Variants in PRSS48 observed in about 807,000 individuals in gnomAD.
PRSS48 encodes serine protease 48.
PRSS48 carries 21 observed loss-of-function variants against 25.6 expected under a neutral mutation model. The observed-to-expected ratio is 0.82, with a 90% confidence interval of 0.58 to 1.18. PRSS48 has a LOEUF of 1.18. Ranked by LOEUF, PRSS48 falls within the 50% of genes most tolerant of loss-of-function variation. The pLI, the probability that PRSS48 is intolerant of heterozygous loss-of-function variation, is 0.00. For synonymous variants in PRSS48, 150 were observed against 149.3 expected (o/e 1.00, Z -0.04); for missense variants, 373 against 399.3 (o/e 0.93, Z 0.56).
intron 2 of PRSS48, among the ~76,000 whole-genome samples, chr4:151,280,493 A>G (rs1231021882): frequency 6.6e-6 from 1 of 152,234 alleles, no homozygotes; most frequent in Non-Finnish European, 1.5e-5. Context: ...GTCACACCTG[A>G]TTCCTGACCC....
At chr4:151,286,778 G>A (rs543804412) in intron 4 of PRSS48, among the ~76,000 whole-genome samples, 57 of 151,650 alleles carry the variant, frequency 3.8e-4, no homozygotes, top group African/African-American at 9.7e-4. Context: ...CCAGGAGTTC[G>A]AGACGAGCCT....
intron 4 of PRSS48, among the ~76,000 whole-genome samples, chr4:151,290,613 T>C (rs1775226598): frequency 6.6e-6 from 1 of 152,180 alleles, no homozygotes; most frequent in Non-Finnish European, 1.5e-5. Context: ...AAATGGGTTG[T>C]GGTGATGGTT....
chr4:151,281,186 C>A (rs1180339886), intron 2 of PRSS48, among the ~76,000 whole-genome samples: 6 of 152,264 alleles, frequency 3.9e-5, no homozygotes, highest in African/African-American at 1.4e-4. Context: ...TGATAGAATG[C>A]CTGACAAGTT....
chr4:151,282,247 T>C, exon 3 of PRSS48: 1 of 1,613,944 alleles, frequency 6.2e-7, no homozygotes, highest in Middle Eastern at 1.6e-4. Flanking sequence ...TCGTCATCCA[T>C]CCCAAGTACC....
chr4:151,283,404 C>A, intron 4 of PRSS48, 118 bp downstream of exon 4: 1 of 805,266 alleles, frequency 1.2e-6, no homozygotes, highest in Non-Finnish European at 2.0e-6. Context: ...CTAAGAATAA[C>A]TCTTATGTTA....
exon 5 of PRSS48, chr4:151,291,176 T>C (rs1775301316): frequency 1.2e-6 from 2 of 1,613,620 alleles, no homozygotes; most frequent in Non-Finnish European, 8.5e-7. Context: ...CAGACAGGAG[T>C]AGTAAGCTGG....
chr4:151,279,753 G>T, intron 1 of PRSS48, 43 bp from the exon 2 acceptor site: 1 of 1,587,630 alleles, frequency 6.3e-7, no homozygotes, highest in East Asian at 2.2e-5. Context: ...CAGAGAAACA[G>T]GACTCCTAGG....
chr4:151,282,368 C>T (rs1431089105), exon 3 of PRSS48: 6 of 1,613,758 alleles, frequency 3.7e-6, no homozygotes, highest in South Asian at 1.1e-5. Context: ...GGCAATTCCA[C>T]CCTTTTGTTG....
chr4:151,291,110 T>G lies in PRSS48; in HGVS notation c.652-8T>G, dbSNP rs202015496. ...CACTATGCTCATTACCTTTCATTTC[T>G]TCCTTAGGGTGATTCTGGAGGGCCT... is the stretch of plus-strand genomic sequence containing the variant. On this transcript the variant is annotated splice_region_variant and splice_polypyrimidine_tract_variant and intron_variant, in intron 4 of 4. Coordinates refer to ENST00000455694, the Ensembl canonical transcript of PRSS48. 52 of 1,597,356 alleles carry G rather than the reference T, an allele frequency of 3.3e-5. No homozygotes were observed. The highest frequency in any genetic ancestry group is 4.1e-5 in the Non-Finnish European group (48 of 1,170,448).
intron 1 of PRSS48, 50 bp downstream of exon 1, chr4:151,277,274 AAG>A: frequency 7.2e-7 from 1 of 1,395,230 alleles, no homozygotes; most frequent in Non-Finnish European, 9.6e-7. Flanking sequence ...ATTTTTACTA[AAG>A]AGGGCATCAC....
chr4:151,291,175 G>T, exon 5 of PRSS48: 4 of 1,613,924 alleles, frequency 2.5e-6, no homozygotes, highest in Non-Finnish European at 3.4e-6. Flanking sequence ...CCAGACAGGA[G>T]TAGTAAGCTG....
At chr4:151,277,546 G>A (rs1773759547) in intron 1 of PRSS48, among the ~76,000 whole-genome samples, 1 of 152,140 alleles carries the variant, frequency 6.6e-6, no homozygotes, top group African/African-American at 2.4e-5. Context: ...GGGCAGGAGT[G>A]TTGCAATCTT....
At position 151,283,334 on chromosome 4, in the gene PRSS48, T is replaced by G. The variant is rs769700882; in HGVS notation, c.651+48T>G. On this transcript the variant is annotated intron_variant, in intron 4 of 4. Coordinates refer to ENST00000455694, the Ensembl canonical transcript of PRSS48. ...TTTTTTTTAAACATGAGATCTTAAT[T>G]TGGATCCAGGTTTTCCTATCTGTAA... The G allele has an allele frequency of 7.0e-6, 11 of 1,570,134 alleles. 1 individual carries two copies. Among genetic ancestry groups the G allele is most frequent in the Middle Eastern group, 3.4e-4 (2 of 5,926 alleles).
chr4:151,290,843 G>GA (rs1420428544), intron 4 of PRSS48, among the ~76,000 whole-genome samples: 1 of 152,162 alleles, frequency 6.6e-6, no homozygotes, highest in Non-Finnish European at 1.5e-5. Context: ...TATCTTTAGT[G>GA]AAAAAATCAT....
At chr4:151,282,546 T>C in intron 3 of PRSS48, 133 bp downstream of exon 3, 1 of 865,446 alleles carries the variant, frequency 1.2e-6, no homozygotes, top group South Asian at 2.1e-5. Flanking sequence ...ATATTATCTA[T>C]AAGTTTTTAA....
intron 4 of PRSS48, among the ~76,000 whole-genome samples, chr4:151,287,880 CTTTT>C (rs917358447): frequency 6.6e-6 from 1 of 152,032 alleles, no homozygotes; most frequent in Non-Finnish European, 1.5e-5. Context: ...ACCCCTCTCT[CTTTT>C]TTTATTTTTC....
At chr4:151,291,288 C>T in exon 5 of PRSS48, 1 of 1,613,986 alleles carries the variant, frequency 6.2e-7, no homozygotes, top group Non-Finnish European at 8.5e-7. Context: ...ATCTAGACTT[C>T]TCTGACTTCT....
chr4:151,287,995 C>T (rs1429589375), intron 4 of PRSS48, among the ~76,000 whole-genome samples: 2 of 151,876 alleles, frequency 1.3e-5, no homozygotes. Context: ...GTTAATATAC[C>T]ATGTTCTTAG....
chr4:151,277,276 G>A (rs5023857), intron 1 of PRSS48, 52 bp downstream of exon 1: 3 of 1,391,578 alleles, frequency 2.2e-6, no homozygotes, highest in Non-Finnish European at 2.9e-6. Context: ...TTTTACTAAA[G>A]AGGGCATCAC....
Sources: allele counts gnomAD v4.1 joint callset (sites outside exome capture counted in the v4.1 genomes callset), GRCh38; gene constraint gnomAD v4.1.1; transcripts MANE v1.5; gene names NCBI Gene and HGNC (gene_info 2026-07-23, HGNC 2026-07-21).